The following MTUS1 variants were observed in gnomAD, a reference collection of about 807,000 sequenced individuals.
MTUS1 encodes the protein microtubule associated scaffold protein 1, also known as microtubule-associated tumor suppressor 1.
In MTUS1, 109 loss-of-function variants were observed where a neutral mutation model predicts 120.8. The observed-to-expected ratio is 0.90, with a 90% CI of 0.77 to 1.06. MTUS1 has a LOEUF of 1.06. Ranked by LOEUF, MTUS1 falls within the 50% of genes least tolerant of loss-of-function variation. The pLI, the probability that MTUS1 is intolerant of heterozygous loss-of-function variation, is 0.00. For synonymous variants in MTUS1, 737 were observed against 550.5 expected, an observed-to-expected ratio of 1.34 and a Z score of -4.74; for missense variants, 2,210 against 1,486.3, an observed-to-expected ratio of 1.49 and a Z score of -8.01.
intron 1 of MTUS1, among the ~76,000 whole-genome samples, chr8:17,780,334 C>G (rs2050777179): frequency 6.6e-6 from 1 of 152,210 alleles, no homozygotes; most frequent in Admixed American, 6.5e-5. Flanking sequence ...ATGCTTCCTG[C>G]ACAACCATGA....
In MTUS1 at chr8:17,654,764, G is replaced by A. The variant is rs540491481; in HGVS notation, c.3109-98C>T. Reference sequence around the variant, plus strand: ...CATTAGGAGACGTCACAGCTTCACAGGTAAGCGTGGGCTCTAGTTTAAAGG... The same window carrying A: ...CATTAGGAGACGTCACAGCTTCACAAGTAAGCGTGGGCTCTAGTTTAAAGG... On this transcript the variant is annotated intron_variant, in intron 9 of 14. Coordinates refer to ENST00000693296, the MANE Select transcript of MTUS1 (RefSeq NM_001363059.2). The A allele has an allele frequency of 8.9e-6, 7 of 787,548 alleles. 1 individual carries two copies. The highest frequency in any genetic ancestry group is 2.3e-4 in the Middle Eastern group (1 of 4,424). The allele number at this position is 787,548 out of a possible 1,614,324, so 48.8% of individuals were successfully genotyped here.
intron 3 of MTUS1, among the ~76,000 whole-genome samples, chr8:17,734,982 T>G (rs975992233): frequency 6.6e-6 from 1 of 151,990 alleles, no homozygotes; most frequent in Non-Finnish European, 1.5e-5. Flanking sequence ...GGTGCAATCA[T>G]AGCTCACTGT....
Position 17,676,370 on chromosome 8 carries a change from G to C in MTUS1, c.2839-1118C>G, listed in dbSNP as rs576253861. ...TCCAAGTCCCCCCACCCCTCGCACT[G>C]TGCAAGAAGCATACAGGTGGCCGCG... On this transcript the variant is annotated intron_variant, in intron 7 of 14. Coordinates refer to ENST00000693296, the MANE Select transcript of MTUS1 (RefSeq NM_001363059.2). 144 of 702,422 alleles carry C rather than the reference G, an allele frequency of 2.1e-4. 1 individual carries two copies. Among genetic ancestry groups the C allele is most frequent in the Non-Finnish European group, 3.6e-4 (139 of 384,970 alleles). The allele number at this position is 702,422 out of a possible 1,614,324, so 43.5% of individuals were successfully genotyped here.
chr8:17,744,637 AT>A (rs1204588865), intron 2 of MTUS1, among the ~76,000 whole-genome samples: 2,742 of 80,696 alleles, frequency 0.034, 24 homozygotes, highest in Middle Eastern at 0.067. Context: ...TAAGTTTTGT[AT>A]TTTTTTTTTG....
chr8:17,679,565 G>A (rs554287348), intron 7 of MTUS1, among the ~76,000 whole-genome samples: 6 of 151,636 alleles, frequency 4.0e-5, no homozygotes, highest in South Asian at 2.1e-4. Context: ...GCGGTGGTGC[G>A]ATCTTGGCTC....
intron 2 of MTUS1, among the ~76,000 whole-genome samples, chr8:17,744,312 G>A (rs927709302): frequency 3.3e-5 from 5 of 151,932 alleles, no homozygotes; most frequent in African/African-American, 1.2e-4. Flanking sequence ...TACCTCTAAA[G>A]GCGGCCACGT....
chr8:17,683,234 T>G (rs1164463600), intron 7 of MTUS1, among the ~76,000 whole-genome samples: 1 of 152,122 alleles, frequency 6.6e-6, no homozygotes, highest in African/African-American at 2.4e-5. Context: ...ATGGCGCCAC[T>G]GCACTCCAGC....
rs1210338239 is a variant in MTUS1, at chr8:17,742,269, G to GTTTTT, written c.2287+1330_2287+1334dup. Among the ~76,000 whole-genome samples the GTTTTT allele has an allele frequency of 6.2e-4, 59 of 94,880 alleles. 4 individuals are homozygous for GTTTTT. Among genetic ancestry groups the GTTTTT allele is most frequent in the African/African-American group, 1.7e-3 (40 of 23,272 alleles). The allele number at this position is 94,880 out of a possible 152,430, so 62.2% of individuals were successfully genotyped here. ...CACCATCATGCTCTCATGCCCAGCT[G>GTTTTT]TTTTTTTTTTTTGTTGTTGTTGTTT... On this transcript the variant is annotated intron_variant, in intron 3 of 14. Coordinates refer to ENST00000693296, the MANE Select transcript of MTUS1 (RefSeq NM_001363059.2).
chr8:17,722,377 T>C (rs2045911759), intron 4 of MTUS1: 1 of 981,794 alleles, frequency 1.0e-6, no homozygotes, highest in Admixed American at 6.1e-5. Flanking sequence ...TTAAAATTGC[T>C]TTGCAAGACA....
intron 8 of MTUS1, chr8:17,664,029 G>A (rs796744577): frequency 7.2e-5 from 11 of 152,294 alleles, no homozygotes; most frequent in African/African-American, 2.6e-4. Context: ...TAACTGTTAC[G>A]GCTTGCAAGA....
intron 4 of MTUS1, 73 bp from the exon 5 acceptor site, chr8:17,715,974 G>C: frequency 3.5e-6 from 5 of 1,425,414 alleles, no homozygotes; most frequent in Non-Finnish European, 4.8e-6. Flanking sequence ...TTATTCCTTT[G>C]TCCTTGAACC....
At chr8:17,698,479 C>G (rs1818406253) in intron 6 of MTUS1, among the ~76,000 whole-genome samples, 1 of 152,138 alleles carries the variant, frequency 6.6e-6, no homozygotes, top group African/African-American at 2.4e-5. Context: ...CACGAATAGC[C>G]TGAGCTCTTA....
intron 8 of MTUS1, among the ~76,000 whole-genome samples, chr8:17,666,700 G>A (rs556348996): frequency 1.8e-4 from 27 of 152,278 alleles, no homozygotes; most frequent in African/African-American, 6.0e-4. Context: ...CTGGTCTCCT[G>A]TTAACCTGAG....
chr8:17,735,784 C>G (rs575383480), intron 3 of MTUS1, among the ~76,000 whole-genome samples: 45 of 152,376 alleles, frequency 3.0e-4, no homozygotes, highest in Middle Eastern at 3.4e-3. Flanking sequence ...GTTGTGCAAC[C>G]AGTACACTGT....
chr8:17,787,976 C>T (rs2051445635), intron 1 of MTUS1, among the ~76,000 whole-genome samples: 3 of 152,160 alleles, frequency 2.0e-5, no homozygotes. Flanking sequence ...AAAAAATTAG[C>T]TGGGCGTGGT....
intron 2 of MTUS1, among the ~76,000 whole-genome samples, chr8:17,752,998 T>G (rs1345790073): frequency 6.6e-6 from 1 of 152,198 alleles, no homozygotes; most frequent in Non-Finnish European, 1.5e-5. Context: ...AATTCTTTAT[T>G]CTTTAAACAG....
chr8:17,713,601 G>A (rs1490813915), intron 5 of MTUS1, among the ~76,000 whole-genome samples: 6 of 152,256 alleles, frequency 3.9e-5, no homozygotes, highest in Admixed American at 3.9e-4. Context: ...TCTGCTGCCG[G>A]GAGAGCAGAG....
At chr8:17,788,249 A>C (rs975962506) in intron 1 of MTUS1, among the ~76,000 whole-genome samples, 4 of 152,234 alleles carry the variant, frequency 2.6e-5, no homozygotes, top group African/African-American at 9.7e-5. Context: ...GCATTTCATC[A>C]CACTTAATGT....
intron 6 of MTUS1, among the ~76,000 whole-genome samples, chr8:17,692,459 T>C (rs912330139): frequency 6.6e-6 from 1 of 152,200 alleles, no homozygotes; most frequent in Non-Finnish European, 1.5e-5. Context: ...AAGCTGCTTT[T>C]CTTCAGGTGA....
Sources: allele counts gnomAD v4.1 joint callset (sites outside exome capture counted in the v4.1 genomes callset), GRCh38; gene constraint gnomAD v4.1.1; transcripts MANE v1.5; gene names NCBI Gene and HGNC (gene_info 2026-07-23, HGNC 2026-07-21).